The following XRN2 variants were observed in gnomAD, a reference collection of about 807,000 sequenced individuals.
XRN2 encodes DHM1-like protein.
A neutral mutation model predicts 138.5 loss-of-function variants in XRN2; 44 were observed. That is an observed-to-expected ratio of 0.32 (90% confidence interval 0.25 to 0.41). The LOEUF (loss-of-function observed/expected upper bound fraction) is 0.41. XRN2 is among the 10% of genes least tolerant of loss of function. XRN2 has a pLI of 1.00. For missense variants in XRN2, 937 were observed against 1,169.3 expected, an observed-to-expected ratio of 0.80 and a Z score of 2.90; for synonymous variants, 354 against 369.4, an observed-to-expected ratio of 0.96 and a Z score of 0.48.
chr20:21,356,033 G>C (rs758100872), intron 21 of XRN2, 47 bp from the exon 22 acceptor site: 1 of 1,482,802 alleles, frequency 6.7e-7, no homozygotes, highest in Non-Finnish European at 9.2e-7. Context: ...TGGTCTTGCA[G>C]GTACAATTTT....
At chr20:21,314,841 G>A (rs887824919) in intron 1 of XRN2, among the ~76,000 whole-genome samples, 5 of 152,130 alleles carry the variant, frequency 3.3e-5, no homozygotes, top group African/African-American at 1.2e-4. Flanking sequence ...GAGGAGACAA[G>A]GACATCCATG....
At position 21,349,467 on chromosome 20, in the gene XRN2, A is replaced by G; in HGVS notation, c.1936+6A>G. On this transcript the variant is annotated splice_donor_region_variant and intron_variant, in intron 20 of 29. Coordinates refer to ENST00000377191, the MANE Select transcript of XRN2 (RefSeq NM_012255.5). ...GAAGAAATATGCATGGCAAGGTAAA[A>G]TTTAGACGTTCTTTTCTGGTAAAAC... The G allele has an allele frequency of 6.3e-7, 1 of 1,589,378 alleles. No homozygotes were observed. The highest frequency in any genetic ancestry group is 1.1e-5 in the South Asian group (1 of 89,814).
chr20:21,348,497 A>T, intron 19 of XRN2, 67 bp downstream of exon 19: 1 of 1,443,142 alleles, frequency 6.9e-7, no homozygotes, highest in Non-Finnish European at 9.6e-7. Flanking sequence ...TATCAGTTAC[A>T]ATTGCTTTTG....
chr20:21,355,007 A>G, intron 21 of XRN2, 135 bp downstream of exon 21: 1 of 620,980 alleles, frequency 1.6e-6, no homozygotes, highest in Non-Finnish European at 2.5e-6. Context: ...TTATTTTCTT[A>G]TTACAGACGT....
intron 27 of XRN2, among the ~76,000 whole-genome samples, chr20:21,370,099 T>C (rs1345326608): frequency 6.6e-6 from 1 of 152,204 alleles, no homozygotes; most frequent in Non-Finnish European, 1.5e-5. Context: ...CCAGCACCAT[T>C]TATTGAAGAG....
At chr20:21,314,649 G>T (rs962035380) in intron 1 of XRN2, among the ~76,000 whole-genome samples, 13 of 151,878 alleles carry the variant, frequency 8.6e-5, no homozygotes, top group Non-Finnish European at 1.8e-4. Flanking sequence ...ACTATGCTTG[G>T]CTAACTTTTT....
At chr20:21,333,507 G>C in intron 9 of XRN2, 37 bp from the exon 10 acceptor site, 1 of 1,601,602 alleles carries the variant, frequency 6.2e-7, no homozygotes, top group Non-Finnish European at 8.6e-7. Flanking sequence ...ACTGGACGTA[G>C]AGTAGACTTG....
At chr20:21,367,557 T>C (rs1237803396) in intron 26 of XRN2, among the ~76,000 whole-genome samples, 1 of 152,020 alleles carries the variant, frequency 6.6e-6, no homozygotes, top group Non-Finnish European at 1.5e-5. Context: ...TTGTGAACTT[T>C]ACCGAACCAC....
At chr20:21,334,265 C>A in intron 13 of XRN2, 80 bp downstream of exon 13, 2 of 1,164,456 alleles carry the variant, frequency 1.7e-6, no homozygotes, top group Non-Finnish European at 2.5e-6. Flanking sequence ...CTTTTAATCT[C>A]TTTGAGTGTG....
chr20:21,305,598 T>A (rs1431050686), intron 1 of XRN2, among the ~76,000 whole-genome samples: 1 of 45,764 alleles, frequency 2.2e-5, no homozygotes, highest in African/African-American at 6.0e-5. Context: ...AGAGACGGGG[T>A]TTTGCCATGT....
At chr20:21,332,150 A>G (rs992707602) in intron 8 of XRN2, 133 bp from the exon 9 acceptor site, 1 of 1,131,180 alleles carries the variant, frequency 8.8e-7, no homozygotes, top group African/African-American at 1.6e-5. Context: ...AGGAAGTGTC[A>G]AGCTTTGGGG....
chr20:21,341,635 A>G (rs879304158), intron 15 of XRN2, among the ~76,000 whole-genome samples: 1 of 152,246 alleles, frequency 6.6e-6, no homozygotes, highest in Non-Finnish European at 1.5e-5. Flanking sequence ...CTGATCTAAC[A>G]GTAGAGGAAG....
At chr20:21,308,699 T>C (rs1012407103) in intron 1 of XRN2, among the ~76,000 whole-genome samples, 1 of 152,232 alleles carries the variant, frequency 6.6e-6, no homozygotes, top group Non-Finnish European at 1.5e-5. Context: ...ATGTAGAGTT[T>C]GTTACATATT....
At chr20:21,338,104 C>G (rs932679425) in intron 13 of XRN2, among the ~76,000 whole-genome samples, 19 of 152,264 alleles carry the variant, frequency 1.2e-4, no homozygotes, top group African/African-American at 4.3e-4. Context: ...GCACCAATTT[C>G]CAATTTCCTT....
intron 14 of XRN2, 22 bp downstream of exon 14, chr20:21,339,110 G>A: frequency 6.3e-7 from 1 of 1,597,554 alleles, no homozygotes; most frequent in Non-Finnish European, 8.6e-7. Context: ...TTAATTTCAT[G>A]AGATTGGCAA....
chr20:21,328,089 G>A (rs145724022), intron 3 of XRN2, among the ~76,000 whole-genome samples: 1 of 152,172 alleles, frequency 6.6e-6, no homozygotes, highest in Non-Finnish European at 1.5e-5. Flanking sequence ...ATAGTTTTCT[G>A]TTGCTTTTAT....
In XRN2 at chr20:21,365,582, A is replaced by G; in HGVS notation, c.2334A>G (p.Ala778=). The G allele has an allele frequency of 1.2e-6, 2 of 1,613,562 alleles. No homozygotes were observed. The highest frequency in any genetic ancestry group is 1.1e-5 in the South Asian group (1 of 91,056). ...CTTTTTAAATGGTCAGAAAGCCAGC[A>G]GCAGTACTGAAACCTAGTGACTGGG... ...AVMLPGARKP[A]AVLKPSDWEK... Residue 778 remains alanine (A), a synonymous_variant, in exon 26 of 30, where the codon GCA becomes GCG. Coordinates refer to ENST00000377191, the MANE Select transcript of XRN2 (RefSeq NM_012255.5).
At chr20:21,360,840 G>A (rs1442306767) in intron 24 of XRN2, among the ~76,000 whole-genome samples, 1 of 152,150 alleles carries the variant, frequency 6.6e-6, no homozygotes, top group Non-Finnish European at 1.5e-5. Flanking sequence ...TTTCACTTTC[G>A]ATGCTTAATT....
At chr20:21,366,272 G>A (rs1385175718) in intron 26 of XRN2, among the ~76,000 whole-genome samples, 12 of 141,952 alleles carry the variant, frequency 8.5e-5, no homozygotes, top group Non-Finnish European at 1.8e-4. Flanking sequence ...TTTGGGCCGG[G>A]CACGGTGGCT....
Sources: allele counts gnomAD v4.1 joint callset (sites outside exome capture counted in the v4.1 genomes callset), GRCh38; gene constraint gnomAD v4.1.1; transcripts MANE v1.5; gene names NCBI Gene and HGNC (gene_info 2026-07-23, HGNC 2026-07-21).